The following ZC3H12B variants were observed in gnomAD, a reference collection of about 807,000 sequenced individuals.
The protein encoded by ZC3H12B is zinc finger CCCH-type containing 12B, also known as probable ribonuclease ZC3H12B.
ZC3H12B carries 7 observed loss-of-function variants against 43.9 expected under a neutral mutation model. The observed-to-expected ratio is 0.16, with a 90% confidence interval of 0.09 to 0.30. The LOEUF (loss-of-function observed/expected upper bound fraction) is 0.30, where lower values mean the gene tolerates loss of function less well. Ranked by LOEUF, ZC3H12B falls within the 10% of genes least tolerant of loss-of-function variation. The pLI is 1.00. For missense variants in ZC3H12B, 475 were observed against 670.2 expected (o/e 0.71, Z 3.22); for synonymous variants, 222 against 241.7 (o/e 0.92, Z 0.76).
chrX:65,280,794 C>CA, the ZC3H12B span, among the ~76,000 whole-genome samples: 3 of 110,675 alleles, frequency 2.7e-5, no homozygotes, highest in South Asian at 1.1e-3. Flanking sequence ...CAATAGCTAC[C>CA]AAAAAAATAA....
chrX:65,373,766 A>G (rs1385693125), intron 2 of ZC3H12B, among the ~76,000 whole-genome samples: 2 of 94,597 alleles, frequency 2.1e-5, no homozygotes, highest in Non-Finnish European at 4.1e-5. Context: ...GGGGAGGGAT[A>G]GCATTAGGAG....
intron 3 of ZC3H12B, among the ~76,000 whole-genome samples, chrX:65,414,999 T>G (rs1383089679): frequency 8.9e-6 from 1 of 112,473 alleles, no homozygotes; most frequent in African/African-American, 3.2e-5. Flanking sequence ...GTGGTTGGGC[T>G]ACAGCTTGTT....
upstream of ZC3H12B, among the ~76,000 whole-genome samples, chrX:65,365,237 G>A (rs2066158160): frequency 9.0e-6 from 1 of 111,130 alleles, no homozygotes; most frequent in Non-Finnish European, 1.9e-5. Context: ...TTCTGTCAAG[G>A]ATAGAGCCCA....
the ZC3H12B span, among the ~76,000 whole-genome samples, chrX:65,124,148 C>G: frequency 9.0e-6 from 1 of 110,825 alleles, no homozygotes; most frequent in African/African-American, 3.3e-5. Context: ...GCTTTTATTA[C>G]ATTAAGTTAT....
At chrX:65,267,403 C>T in the ZC3H12B span, among the ~76,000 whole-genome samples, 1 of 108,788 alleles carries the variant, frequency 9.2e-6, no homozygotes, top group African/African-American at 3.3e-5. Flanking sequence ...GGGAGTGAAC[C>T]TAAGTTCCAG....
At chrX:65,105,251 C>T in the ZC3H12B span, among the ~76,000 whole-genome samples, 1 of 107,647 alleles carries the variant, frequency 9.3e-6, no homozygotes, top group African/African-American at 3.4e-5. Flanking sequence ...CAGGGCCTGT[C>T]GGGGGGTGGG....
At chrX:65,291,584 T>C in the ZC3H12B span, among the ~76,000 whole-genome samples, 2 of 112,090 alleles carry the variant, frequency 1.8e-5, no homozygotes, top group African/African-American at 6.5e-5. Context: ...ATATAAGGCA[T>C]GTAAAATATT....
At chrX:65,242,672 C>T in the ZC3H12B span, among the ~76,000 whole-genome samples, 3 of 111,781 alleles carry the variant, frequency 2.7e-5, no homozygotes, top group Admixed American at 2.9e-4. Context: ...AATATCCAGA[C>T]CAATCCTGAG....
chrX:65,042,871 T>C, the ZC3H12B span, among the ~76,000 whole-genome samples: 1 of 112,065 alleles, frequency 8.9e-6, no homozygotes, highest in Non-Finnish European at 1.9e-5. Context: ...TTCCTCCCTC[T>C]TTCTCTTCTC....
the ZC3H12B span, among the ~76,000 whole-genome samples, chrX:65,213,919 A>G: frequency 9.9e-6 from 1 of 100,592 alleles, no homozygotes; most frequent in South Asian, 4.0e-4. Flanking sequence ...ACACACACAC[A>G]TATATGTACA....
chrX:65,340,000 C>A, the ZC3H12B span, among the ~76,000 whole-genome samples: 1 of 111,763 alleles, frequency 8.9e-6, no homozygotes, highest in Admixed American at 9.4e-5. Context: ...ACCAACATAC[C>A]ACCATTGCAG....
chrX:65,290,176 G>A, the ZC3H12B span, among the ~76,000 whole-genome samples: 5 of 110,607 alleles, frequency 4.5e-5, no homozygotes, highest in Non-Finnish European at 9.5e-5. Flanking sequence ...CAAAGAACAT[G>A]AATAGATATT....
chrX:65,499,750 A>AATTAGC, intron 3 of ZC3H12B, 133 bp from the exon 9 acceptor site: 1 of 504,594 alleles, frequency 2.0e-6, no homozygotes, highest in Non-Finnish European at 3.5e-6. Context: ...TTAGCAGAGG[A>AATTAGC]TAGACTTGAG....
intron 1 of ZC3H12B, among the ~76,000 whole-genome samples, chrX:65,496,381 A>G (rs974511333): frequency 4.7e-4 from 52 of 111,681 alleles, no homozygotes; most frequent in African/African-American, 1.5e-3. Context: ...CCCAATTAAT[A>G]CTCTATATAA....
chrX:65,308,434 C>A, the ZC3H12B span, among the ~76,000 whole-genome samples: 1 of 111,402 alleles, frequency 9.0e-6, no homozygotes, highest in Non-Finnish European at 1.9e-5. Context: ...ACAAGAAGAG[C>A]TAACTATCCT....
At chrX:65,478,676 A>C (rs2068027117) in intron 3 of ZC3H12B, among the ~76,000 whole-genome samples, 2 of 112,431 alleles carry the variant, frequency 1.8e-5, no homozygotes, top group Non-Finnish European at 3.8e-5. Flanking sequence ...GAGGCTTTGC[A>C]TGCATACTGT....
At chrX:65,316,483 A>T in the ZC3H12B span, among the ~76,000 whole-genome samples, 2 of 111,934 alleles carry the variant, frequency 1.8e-5, no homozygotes, top group Non-Finnish European at 3.8e-5. Flanking sequence ...GCCAGAAGAG[A>T]TTGGGGCCTA....
the ZC3H12B span, among the ~76,000 whole-genome samples, chrX:65,324,783 G>T: frequency 9.1e-6 from 1 of 110,493 alleles, no homozygotes; most frequent in Non-Finnish European, 1.9e-5. Flanking sequence ...CCTGCTTGAT[G>T]GACTATTCTC....
chrX:65,207,086 G>T, the ZC3H12B span, among the ~76,000 whole-genome samples: 18 of 108,470 alleles, frequency 1.7e-4, no homozygotes, highest in African/African-American at 5.9e-4. Context: ...AGCCATTATG[G>T]AAATCAGTAT....
Sources: allele counts gnomAD v4.1 joint callset (sites outside exome capture counted in the v4.1 genomes callset), GRCh38; gene constraint gnomAD v4.1.1; transcripts MANE v1.5; gene names NCBI Gene and HGNC (gene_info 2026-07-23, HGNC 2026-07-21).